Variants in ZNF217 observed in about 807,000 individuals in gnomAD.
The protein encoded by ZNF217 is zinc finger protein 217.
ZNF217 carries 12 observed loss-of-function variants against 73.3 expected under a neutral mutation model. That is an observed-to-expected ratio of 0.16 (90% CI 0.10 to 0.27). ZNF217 has a LOEUF of 0.27. Among genes scored for constraint, ZNF217 ranks in the 10% least tolerant of loss-of-function variants. The pLI is 1.00. For missense variants in ZNF217, 1,195 were observed against 1,327.8 expected (o/e 0.90, Z 1.55); for synonymous variants, 588 against 516.4 (o/e 1.14, Z -1.88).
chr20:53,596,101 T>A (rs1332897882), upstream of ZNF217, among the ~76,000 whole-genome samples: 1 of 152,138 alleles, frequency 6.6e-6, no homozygotes, highest in Non-Finnish European at 1.5e-5. Context: ...ACAAGGAGAT[T>A]CCTGGCTCTC....
upstream of ZNF217, chr20:53,597,618 T>TAG (rs1989064060): frequency 6.6e-6 from 1 of 150,706 alleles, no homozygotes; most frequent in African/African-American, 2.4e-5. Flanking sequence ...TATATATATA[T>TAG]AGCAGAACTT....
Position 53,582,716 on chromosome 20 carries a change from G to A in ZNF217, c.111C>T (p.Ala37=). 1 of 1,614,134 alleles carries A rather than the reference G, an allele frequency of 6.2e-7. No homozygotes were observed. Among genetic ancestry groups the A allele is most frequent in the Non-Finnish European group, 8.5e-7 (1 of 1,180,012 alleles). The change falls in exon 2 of 6, where the codon GCC becomes GCT. Residue 37 remains alanine (A), a synonymous_variant. Transcript: ENST00000371471. The surrounding 1 kb of genome is among the most constrained non-coding windows in gnomAD (Gnocchi z 4.8). Reference sequence around the variant, plus strand: ...CAACAGCGGTCCCTTTCATTGACAAGGCATCCTCCATCTCCATCGGACTGC... The same window carrying A: ...CAACAGCGGTCCCTTTCATTGACAAAGCATCCTCCATCTCCATCGGACTGC... ...SLGSPMEMED[A]LSMKGTAVVP... is the part of the protein sequence containing the mutation.
In ZNF217 at chr20:53,576,102, T is replaced by A; in HGVS notation, c.2662A>T (p.Asn888Tyr). The A allele has an allele frequency of 6.2e-7, 1 of 1,614,212 alleles. No individual in the cohort carries two copies. The change falls in exon 4 of 6, where the codon AAC (asparagine) becomes TAC (tyrosine). Residue 888 changes from asparagine (N) to tyrosine (Y), a missense_variant. Coordinates refer to ENST00000371471, the MANE Select transcript of ZNF217 (RefSeq NM_006526.3). ...CCCGGAGGTGCCCACGGGCTGTCGT[T>A]CTTGGCGGGGTAGTCGATGGAACCA... is the stretch of plus-strand genomic sequence containing the variant. ...INGSIDYPAKNDSPWAPPGRD... is the reference protein window; with the variant it reads ...INGSIDYPAKYDSPWAPPGRD...
chr20:53,592,849 AAAG>A (rs1988929490), intron 1 of ZNF217, among the ~76,000 whole-genome samples: 3 of 151,432 alleles, frequency 2.0e-5, no homozygotes, highest in Non-Finnish European at 2.9e-5. Flanking sequence ...AAAAAAAAAA[AAAG>A]AAAAGAAAAA....
At chr20:53,585,036 GT>G (rs1443761310) in intron 1 of ZNF217, among the ~76,000 whole-genome samples, 3 of 107,980 alleles carry the variant, frequency 2.8e-5, no homozygotes, top group Admixed American at 1.2e-4. Context: ...CAATAGTGGA[GT>G]TTTTTGGTTT....
rs1048440236 is a variant in ZNF217 at position 53,567,862 on chromosome 20, C to T, written c.*1426G>A. The stretch of plus-strand genomic sequence containing the variant: ...AAAAAAAATTTTTTCTAGGATTACC[C>T]TTGCTCTATGGAGAACAGCGAGGCC... On this transcript the variant is annotated 3_prime_UTR_variant, in exon 6 of 6. Transcript: ENST00000371471. The T allele has an allele frequency of 2.0e-5, 3 of 152,538 alleles. No individual in the cohort carries two copies. Among genetic ancestry groups the T allele is most frequent in the Admixed American group, 2.0e-4 (3 of 15,264 alleles). 9.4% of individuals were successfully genotyped at this position (152,538 alleles called of 1,614,324 possible). A position where few individuals can be genotyped will look rare whatever the true frequency, so the allele number is the denominator to read the frequency against.
At chr20:53,591,236 G>A (rs1268398091) in intron 1 of ZNF217, among the ~76,000 whole-genome samples, 2 of 152,172 alleles carry the variant, frequency 1.3e-5, no homozygotes, top group Non-Finnish European at 2.9e-5. Context: ...AACAGCAAAG[G>A]TCAAACTGCA....
intron 2 of ZNF217, 133 bp from the exon 3 acceptor site, chr20:53,578,583 G>C: frequency 1.7e-6 from 1 of 573,630 alleles, no homozygotes; most frequent in Non-Finnish European, 3.1e-6. Flanking sequence ...CATCGGGTTA[G>C]AACAAAACGG....
chr20:53,578,291 A>G (rs1289515889), intron 3 of ZNF217, 43 bp downstream of exon 3: 2 of 1,341,752 alleles, frequency 1.5e-6, no homozygotes, highest in East Asian at 2.4e-5. Flanking sequence ...AGATAACTAC[A>G]TAATTTAACT....
upstream of ZNF217, among the ~76,000 whole-genome samples, chr20:53,596,291 G>A (rs1167428794): frequency 6.6e-6 from 1 of 151,506 alleles, no homozygotes; most frequent in Non-Finnish European, 1.5e-5. Flanking sequence ...AAAACTGAAA[G>A]ATGATTATAA....
At chr20:53,583,386 T>G (rs1015208199) in intron 1 of ZNF217, among the ~76,000 whole-genome samples, 2 of 152,232 alleles carry the variant, frequency 1.3e-5, no homozygotes, top group African/African-American at 4.8e-5. Flanking sequence ...TTTCATCCAG[T>G]TAAAATCCAG....
intron 1 of ZNF217, among the ~76,000 whole-genome samples, chr20:53,589,913 A>T (rs1988823535): frequency 7.9e-6 from 1 of 126,440 alleles, no homozygotes; most frequent in Non-Finnish European, 1.6e-5. Flanking sequence ...CCCCCGCAGA[A>T]TCTGGAGAAG....
intron 4 of ZNF217, 76 bp from the exon 5 acceptor site, chr20:53,571,929 A>C: frequency 2.1e-6 from 3 of 1,442,334 alleles, no homozygotes; most frequent in Non-Finnish European, 2.8e-6. Context: ...TTAGAAGTCA[A>C]TTTTCAAAAT....
chr20:53,580,429 C>T (rs545803795), intron 2 of ZNF217, among the ~76,000 whole-genome samples: 4 of 152,320 alleles, frequency 2.6e-5, no homozygotes, highest in Non-Finnish European at 4.4e-5. Flanking sequence ...TTGTCAATTA[C>T]GGCCTGCCCA....
In ZNF217 at chr20:53,576,824, A is replaced by C; in HGVS notation, c.1940T>G (p.Val647Gly). 6.2e-7 allele frequency: 1 copy of C among 1,614,186 alleles called. No individual in the cohort carries two copies. The highest frequency in any genetic ancestry group is 1.1e-5 in the South Asian group (1 of 91,086). Residue 647 changes from valine (V) to glycine (G), a missense_variant, in exon 4 of 6, where the codon GTT becomes GGT. Coordinates refer to ENST00000371471, the MANE Select transcript of ZNF217 (RefSeq NM_006526.3). ...GGTACTGCCATCCGGAGGAGGAGTA[A>C]CATCCGCCTTGGTTCTACAGATGAG... ...NNLICRTKAD[V>G]TPPPDGSTTH...
intron 3 of ZNF217, 47 bp downstream of exon 3, chr20:53,578,287 C>T (rs1278023657): frequency 7.6e-7 from 1 of 1,308,350 alleles, no homozygotes; most frequent in Non-Finnish European, 1.1e-6. Context: ...AATTAGATAA[C>T]TACATAATTT....
Position 53,582,711 on chromosome 20 carries a change from G to A in ZNF217, c.116C>T (p.Ser39Leu). 6.2e-7 allele frequency: 1 copy of A among 1,614,082 alleles called. No homozygotes were observed. Reference sequence around the variant, plus strand: ...TGGAACAACAGCGGTCCCTTTCATTGACAAGGCATCCTCCATCTCCATCGG... The same window carrying A: ...TGGAACAACAGCGGTCCCTTTCATTAACAAGGCATCCTCCATCTCCATCGG... The part of the protein sequence containing the change: ...GSPMEMEDAL[S>L]MKGTAVVPFR... The change falls in exon 2 of 6, where the codon TCA becomes TTA. Residue 39 changes from serine (S) to leucine (L), a missense_variant. Transcript: ENST00000371471. This position sits in a 1 kb window ranked among gnomAD's most constrained non-coding sequence, Gnocchi z 4.8.
At chr20:53,594,910 TTG>T (rs1344435799), upstream of ZNF217, among the ~76,000 whole-genome samples, 2 of 152,042 alleles carry the variant, frequency 1.3e-5, no homozygotes, top group Non-Finnish European at 2.9e-5. Flanking sequence ...TATTTAATTG[TTG>T]TGATTTTTTT....
intron 2 of ZNF217, among the ~76,000 whole-genome samples, chr20:53,580,914 T>G (rs1376431786): frequency 1.3e-5 from 2 of 152,270 alleles, no homozygotes; most frequent in East Asian, 3.9e-4. Flanking sequence ...CAGAAAAACT[T>G]AAGTGAAGGC....
Sources: gnomAD v4.1 joint callset for allele counts (sites outside exome capture counted in the v4.1 genomes callset) on GRCh38, gnomAD v4.1.1 for gene constraint, Gnocchi (gnomAD v3.1) non-coding constraint, MANE v1.5 for transcripts, NCBI Gene and HGNC (gene_info 2026-07-23, HGNC 2026-07-21) for gene names.